DOCK9: variants seen among roughly 807,000 people sequenced by gnomAD.
DOCK9 encodes the protein dedicator of cytokinesis protein 9.
Under a neutral mutation model 263.3 loss-of-function variants are expected in DOCK9, and 89 were observed. That is an observed-to-expected ratio of 0.34 (90% CI 0.28 to 0.40). DOCK9 has a LOEUF of 0.40. Among genes scored for constraint, DOCK9 ranks in the 10% least tolerant of loss-of-function variants. The probability of loss-of-function intolerance (pLI) is 1.00; values close to 1 mark genes in which losing one functional copy is unlikely to be tolerated. For synonymous variants in DOCK9, 976 were observed against 973.1 expected (o/e 1.00, Z -0.06); for missense variants, 2,140 against 2,603.4 (o/e 0.82, Z 3.87).
intron 18 of DOCK9, among the ~76,000 whole-genome samples, chr13:98,887,191 T>C (rs2138891431): frequency 6.8e-6 from 1 of 146,200 alleles, no homozygotes; most frequent in Admixed American, 6.9e-5. Flanking sequence ...CTTCTCCTCT[T>C]AGGAAGTCAC....
chr13:98,795,763 C>CTTT (rs11449176), intron 52 of DOCK9, among the ~76,000 whole-genome samples: 6 of 145,802 alleles, frequency 4.1e-5, no homozygotes, highest in South Asian at 4.4e-4. Context: ...TTTTTTTCTA[C>CTTT]TTTTTTTTTT....
intron 37 of DOCK9, chr13:98,846,573 T>C (rs2093399400): frequency 1.5e-6 from 2 of 1,351,654 alleles, no homozygotes; most frequent in Admixed American, 1.9e-5. Context: ...AGCAGTCAAG[T>C]AGAGAAAACA....
intron 30 of DOCK9, among the ~76,000 whole-genome samples, chr13:98,865,449 G>A (rs1263268539): frequency 2.6e-5 from 4 of 152,170 alleles, no homozygotes; most frequent in East Asian, 1.9e-4. Context: ...AGGAGGTGAA[G>A]GCAGGGGTGG....
At chr13:98,942,030 T>C (rs1344272690) in intron 2 of DOCK9, among the ~76,000 whole-genome samples, 1 of 152,120 alleles carries the variant, frequency 6.6e-6, no homozygotes, top group African/African-American at 2.4e-5. Flanking sequence ...ATCAGAGTAA[T>C]AAGAGACAGA....
At chr13:99,052,345 C>T (rs1034718905) in intron 1 of DOCK9, among the ~76,000 whole-genome samples, 2 of 152,166 alleles carry the variant, frequency 1.3e-5, no homozygotes, top group East Asian at 1.9e-4. Flanking sequence ...TAAACAAATG[C>T]CAGCACACAG....
At chr13:98,902,252 T>A (rs2048395309) in intron 12 of DOCK9, 36 bp downstream of exon 12, 2 of 1,605,608 alleles carry the variant, frequency 1.2e-6, no homozygotes, top group Admixed American at 1.7e-5. Flanking sequence ...GCAAAGTGAG[T>A]CTGAGTAGTG....
chr13:98,826,014 G>T, intron 44 of DOCK9: 2 of 1,283,902 alleles, frequency 1.6e-6, no homozygotes, highest in Non-Finnish European at 2.0e-6. Flanking sequence ...TGAACATGGA[G>T]CCCTTTCAAA....
intron 38 of DOCK9, chr13:98,845,205 C>A: frequency 1.8e-6 from 1 of 552,290 alleles, no homozygotes; most frequent in South Asian, 1.7e-5. Flanking sequence ...CTCCCCTGTT[C>A]TGGCAGAATC....
intron 2 of DOCK9, among the ~76,000 whole-genome samples, chr13:98,952,680 A>G (rs577122628): frequency 6.6e-6 from 1 of 152,362 alleles, no homozygotes; most frequent in East Asian, 1.9e-4. Context: ...GAGAACATGT[A>G]GATGCCTTTA....
chr13:99,048,019 C>T (rs1041676516), intron 1 of DOCK9, among the ~76,000 whole-genome samples: 20 of 152,166 alleles, frequency 1.3e-4, no homozygotes, highest in African/African-American at 4.8e-4. Flanking sequence ...GGGCAGGCCT[C>T]CAGTTTGGGG....
intron 45 of DOCK9, among the ~76,000 whole-genome samples, chr13:98,823,593 A>C (rs569597716): frequency 1.3e-5 from 2 of 152,358 alleles, no homozygotes; most frequent in East Asian, 3.9e-4. Context: ...AGGATTAAAA[A>C]GCTTTCCCTC....
chr13:99,072,634 G>C (rs1382277135), intron 1 of DOCK9, among the ~76,000 whole-genome samples: 1 of 152,168 alleles, frequency 6.6e-6, no homozygotes, highest in Non-Finnish European at 1.5e-5. Context: ...TGAGGCTTTA[G>C]TCAGATAAAG....
intron 38 of DOCK9, among the ~76,000 whole-genome samples, chr13:98,841,097 T>G (rs760434606): frequency 6.6e-6 from 1 of 152,126 alleles, no homozygotes; most frequent in Non-Finnish European, 1.5e-5. Flanking sequence ...TGGCAAAGAG[T>G]AGAGAATAGA....
intron 6 of DOCK9, among the ~76,000 whole-genome samples, chr13:98,921,412 C>T (rs1451792144): frequency 6.6e-6 from 1 of 152,214 alleles, no homozygotes; most frequent in Non-Finnish European, 1.5e-5. Context: ...TCTCTAAAAT[C>T]CCCAGGGTTT....
rs1240448386 is a variant in DOCK9, at chr13:98,820,239, A to G, written c.5130+4159T>C. ...TAACATTAAATATATAGCCAACAGC[A>G]CTAGAACTCACACTTGAACAAAGCT... On this transcript the variant is annotated intron_variant, in intron 45 of 52. Coordinates refer to ENST00000682017, the MANE Select transcript of DOCK9 (RefSeq NM_001366683.2). Among the ~76,000 whole-genome samples the G allele has an allele frequency of 7.2e-5, 11 of 152,366 alleles. No individual in the cohort carries two copies. In the East Asian group the frequency reaches 1.7e-3, roughly 24 times the overall value.
chr13:98,901,684 C>A, intron 13 of DOCK9, 94 bp downstream of exon 13: 2 of 1,380,392 alleles, frequency 1.4e-6, no homozygotes, highest in Non-Finnish European at 1.9e-6. Flanking sequence ...ATAAATATGG[C>A]TTATGTTTGA....
chr13:98,848,232 C>T (rs1048136518), intron 37 of DOCK9, among the ~76,000 whole-genome samples: 3 of 151,970 alleles, frequency 2.0e-5, no homozygotes, highest in African/African-American at 7.3e-5. Flanking sequence ...GAAAGTCAAA[C>T]AGAGGAAGAG....
intron 1 of DOCK9, among the ~76,000 whole-genome samples, chr13:99,049,650 G>C (rs966270891): frequency 1.3e-5 from 2 of 152,102 alleles, no homozygotes; most frequent in African/African-American, 4.8e-5. Context: ...ACATAGCTGG[G>C]ACCACAGGTG....
At chr13:98,970,394 A>ACC (rs1379992116) in intron 1 of DOCK9, among the ~76,000 whole-genome samples, 10 of 152,304 alleles carry the variant, frequency 6.6e-5, no homozygotes, top group African/African-American at 2.4e-4. Flanking sequence ...AGTCCAGAGA[A>ACC]CCTTCAGAGA....
Sources: gnomAD v4.1 joint callset for allele counts (sites outside exome capture counted in the v4.1 genomes callset) on GRCh38, gnomAD v4.1.1 for gene constraint, MANE v1.5 for transcripts, NCBI Gene and HGNC (gene_info 2026-07-23, HGNC 2026-07-21) for gene names.